The following OPCML variants were observed in gnomAD, a reference collection of about 807,000 sequenced individuals.
OPCML encodes opioid-binding protein/cell adhesion molecule.
OPCML carries 13 observed loss-of-function variants against 37.8 expected under a neutral mutation model. That is an observed-to-expected ratio of 0.34 (90% CI 0.22 to 0.55). OPCML has a LOEUF of 0.55. Among genes scored for constraint, OPCML ranks in the 20% least tolerant of loss-of-function variants. The pLI is 0.91. For missense variants in OPCML, 341 were observed against 435.6 expected, an observed-to-expected ratio of 0.78 and a Z score of 1.93; for synonymous variants, 176 against 168.8, an observed-to-expected ratio of 1.04 and a Z score of -0.33.
chr11:133,368,280 G>T (rs895252644), intron 1 of OPCML, among the ~76,000 whole-genome samples: 1 of 151,848 alleles, frequency 6.6e-6, no homozygotes, highest in Non-Finnish European at 1.5e-5. Context: ...GGAGGAGAAG[G>T]GAGAGGGAGA....
chr11:133,325,269 G>A (rs1943422630), intron 1 of OPCML, among the ~76,000 whole-genome samples: 1 of 152,200 alleles, frequency 6.6e-6, no homozygotes. Flanking sequence ...ATGTATCAAA[G>A]CATTCTTTTT....
chr11:133,344,747 A>G (rs940340433), intron 1 of OPCML, among the ~76,000 whole-genome samples: 1 of 152,208 alleles, frequency 6.6e-6, no homozygotes, highest in African/African-American at 2.4e-5. Flanking sequence ...TCTTTAATGA[A>G]AGTATGAAAG....
At chr11:133,017,628 A>G (rs753185442) in intron 1 of OPCML, among the ~76,000 whole-genome samples, 1 of 152,122 alleles carries the variant, frequency 6.6e-6, no homozygotes, top group South Asian at 2.1e-4. Context: ...ATCTCAGGTG[A>G]TCTGCCCTCC....
intron 3 of OPCML, among the ~76,000 whole-genome samples, chr11:132,622,777 G>C (rs1174232931): frequency 1.3e-5 from 2 of 152,170 alleles, no homozygotes; most frequent in African/African-American, 4.8e-5. Context: ...AGGCTGTAGT[G>C]CCCTTGTCTT....
chr11:132,535,970 T>C (rs528129966), intron 3 of OPCML, among the ~76,000 whole-genome samples: 1 of 152,210 alleles, frequency 6.6e-6, no homozygotes, highest in Non-Finnish European at 1.5e-5. Flanking sequence ...TTTTTTTTAA[T>C]TGCAGATTAT....
At chr11:132,647,639 A>G (rs962848166) in intron 3 of OPCML, among the ~76,000 whole-genome samples, 8 of 152,216 alleles carry the variant, frequency 5.3e-5, no homozygotes, top group Non-Finnish European at 8.8e-5. Flanking sequence ...GTGGATCGTC[A>G]TAAAGGTCTT....
intron 4 of OPCML, among the ~76,000 whole-genome samples, chr11:132,455,065 C>G (rs1262514431): frequency 6.6e-6 from 1 of 152,146 alleles, no homozygotes; most frequent in Non-Finnish European, 1.5e-5. Flanking sequence ...CGAACCCTGT[C>G]TCCTAAAACA....
intron 1 of OPCML, among the ~76,000 whole-genome samples, chr11:133,029,800 C>T (rs1000893847): frequency 1.3e-5 from 2 of 152,066 alleles, no homozygotes; most frequent in Non-Finnish European, 2.9e-5. Context: ...AAAGCCCAAA[C>T]CTCAGCATCA....
At chr11:133,465,295 C>T (rs1366860057) in intron 1 of OPCML, among the ~76,000 whole-genome samples, 1 of 152,132 alleles carries the variant, frequency 6.6e-6, no homozygotes. Context: ...TCCTCCTTAC[C>T]TTGTGCATAC....
intron 1 of OPCML, among the ~76,000 whole-genome samples, chr11:133,517,083 C>T (rs943309877): frequency 6.6e-6 from 1 of 152,218 alleles, no homozygotes; most frequent in Admixed American, 6.5e-5. Flanking sequence ...TTTGACATTT[C>T]TGTCTGGACT....
At chr11:133,257,590 C>A (rs542264381) in intron 1 of OPCML, among the ~76,000 whole-genome samples, 13 of 152,322 alleles carry the variant, frequency 8.5e-5, no homozygotes, top group African/African-American at 3.1e-4. Flanking sequence ...ATACTGTGTC[C>A]ACATGGCTGA....
At chr11:132,521,670 A>T (rs879501887) in intron 4 of OPCML, among the ~76,000 whole-genome samples, 3 of 152,074 alleles carry the variant, frequency 2.0e-5, no homozygotes, top group Admixed American at 2.0e-4. Context: ...TGGGCTCAAA[A>T]CCTAGATGAT....
At chr11:132,902,204 C>G (rs915402554) in intron 2 of OPCML, among the ~76,000 whole-genome samples, 10 of 152,326 alleles carry the variant, frequency 6.6e-5, no homozygotes, top group African/African-American at 2.4e-4. Context: ...CAACTTTCTT[C>G]ATTGCAAACT....
chr11:132,928,283 A>C (rs897682023), intron 2 of OPCML, among the ~76,000 whole-genome samples: 2 of 152,074 alleles, frequency 1.3e-5, no homozygotes, highest in Non-Finnish European at 2.9e-5. Flanking sequence ...GAAAGGTTGA[A>C]AAAGTATTTG....
intron 1 of OPCML, among the ~76,000 whole-genome samples, chr11:133,135,546 T>C (rs1949676360): frequency 6.6e-6 from 1 of 152,028 alleles, no homozygotes; most frequent in Non-Finnish European, 1.5e-5. Flanking sequence ...CCCTACCCAG[T>C]TGAATTTTCT....
chr11:132,632,920 CCTAA>C, intron 3 of OPCML, among the ~76,000 whole-genome samples: 1 of 150,476 alleles, frequency 6.6e-6, no homozygotes. Context: ...CTACCGAATA[CCTAA>C]CTAATGATGT....
chr11:133,312,971 G>A (rs1448644089), intron 1 of OPCML, among the ~76,000 whole-genome samples: 1 of 152,110 alleles, frequency 6.6e-6, no homozygotes, highest in Non-Finnish European at 1.5e-5. Context: ...AAGTTTGATG[G>A]TAACATAAAT....
chr11:133,434,520 G>A (rs78478409), intron 1 of OPCML, among the ~76,000 whole-genome samples: 5,204 of 151,824 alleles, frequency 0.034, 128 homozygotes, highest in Non-Finnish European at 0.052. Flanking sequence ...TTTTTGTGAG[G>A]CCCAAATTTG....
chr11:132,700,280 C>G (rs1943756275), intron 2 of OPCML, among the ~76,000 whole-genome samples: 1 of 151,692 alleles, frequency 6.6e-6, no homozygotes, highest in South Asian at 2.1e-4. Flanking sequence ...TGTTTTCAGT[C>G]TTTATTTATT....
Sources: gnomAD v4.1 joint callset for allele counts (sites outside exome capture counted in the v4.1 genomes callset) on GRCh38, gnomAD v4.1.1 for gene constraint, MANE v1.5 for transcripts, NCBI Gene and HGNC (gene_info 2026-07-23, HGNC 2026-07-21) for gene names.